The following ATRN variants were observed in gnomAD, a reference collection of about 807,000 sequenced individuals.
ATRN encodes the protein attractin-2.
Under a neutral mutation model 178.7 loss-of-function variants are expected in ATRN, and 54 were observed. The ratio of observed to expected loss-of-function variants is 0.30; its 90% confidence interval spans 0.24 to 0.38. ATRN has a LOEUF of 0.38. ATRN is among the 10% of genes least tolerant of loss of function. The pLI, the probability that ATRN is intolerant of heterozygous loss-of-function variation, is 1.00. For missense variants in ATRN, 1,443 were observed against 1,815.1 expected, an observed-to-expected ratio of 0.79 and a Z score of 3.73; for synonymous variants, 636 against 663.0, an observed-to-expected ratio of 0.96 and a Z score of 0.63.
chr20:3,553,357 C>T (rs1475143534), intron 6 of ATRN, among the ~76,000 whole-genome samples: 1 of 152,098 alleles, frequency 6.6e-6, no homozygotes, highest in Non-Finnish European at 1.5e-5. Flanking sequence ...ATATTAAGCC[C>T]TCTCAACTCT....
chr20:3,601,152 A>G, intron 23 of ATRN, 128 bp downstream of exon 23: 1 of 708,274 alleles, frequency 1.4e-6, no homozygotes, highest in Non-Finnish European at 2.4e-6. Context: ...CTTACTAGCT[A>G]TGAGACCTTG....
intron 17 of ATRN, 144 bp downstream of exon 17, chr20:3,584,227 A>G (rs1315071199): frequency 2.4e-6 from 2 of 845,902 alleles, no homozygotes; most frequent in Admixed American, 2.5e-5. Context: ...AGAGACTGCC[A>G]TCGAGACCTT....
intron 11 of ATRN, among the ~76,000 whole-genome samples, chr20:3,565,897 A>G (rs2086029391): frequency 1.3e-5 from 2 of 151,274 alleles, no homozygotes; most frequent in South Asian, 2.1e-4. Flanking sequence ...TTACAGGATT[A>G]TGTGGGTATA....
At chr20:3,496,778 A>T (rs992103002) in intron 1 of ATRN, among the ~76,000 whole-genome samples, 6 of 151,924 alleles carry the variant, frequency 3.9e-5, no homozygotes, top group Non-Finnish European at 7.4e-5. Flanking sequence ...GTCTCCCATT[A>T]TTAATGTGTG....
chr20:3,562,262 TCTTTC>T lies in ATRN; in HGVS notation c.1448-7_1448-3del. 6.2e-7 allele frequency: 1 copy of T among 1,605,334 alleles called. No homozygotes were observed. The highest frequency in any genetic ancestry group is 1.1e-5 in the South Asian group (1 of 89,832). Reference sequence around the variant, plus strand: ...AGCCTGCCATGCTTGCCTTTAACTGTCTTTCCTTTCCAGATAAGAACACATGGAGT... The same window carrying T: ...AGCCTGCCATGCTTGCCTTTAACTGTCTTTCCAGATAAGAACACATGGAGT... On this transcript the variant is annotated splice_polypyrimidine_tract_variant and intron_variant, in intron 8 of 28. Transcript: ENST00000262919.
chr20:3,631,586 G>A (rs2086990170), intron 25 of ATRN, among the ~76,000 whole-genome samples: 1 of 152,166 alleles, frequency 6.6e-6, no homozygotes, highest in Non-Finnish European at 1.5e-5. Context: ...AGCTGGAGCA[G>A]CAAGTAGAAG....
intron 18 of ATRN, among the ~76,000 whole-genome samples, chr20:3,588,371 T>C (rs2086388086): frequency 6.6e-6 from 1 of 152,204 alleles, no homozygotes; most frequent in Admixed American, 6.5e-5. Flanking sequence ...TCTATTCTAG[T>C]TTTTTGAGGG....
At chr20:3,572,606 C>A (rs773524540) in intron 11 of ATRN, 125 bp from the exon 12 acceptor site, 1 of 773,378 alleles carries the variant, frequency 1.3e-6, no homozygotes, top group Non-Finnish European at 2.0e-6. Context: ...CTCTTGAGCC[C>A]AGGAGTTTGA....
At chr20:3,512,226 T>A (rs1038194580) in intron 1 of ATRN, among the ~76,000 whole-genome samples, 3 of 150,748 alleles carry the variant, frequency 2.0e-5, no homozygotes, top group Non-Finnish European at 4.4e-5. Flanking sequence ...CATTTAACAT[T>A]AGGTATATCT....
rs375560346 is a variant in ATRN, at chr20:3,547,331, T to A, written c.785T>A (p.Ile262Asn). ...TGCTCAGGCCGAGGAGAGTGTAAGA[T>A]CAGTAATAGCAGCGATACTGTTGAA... Reference protein sequence around the residue: ...NNCSGRGECKISNSSDTVECE... With the variant: ...NNCSGRGECKNSNSSDTVECE... Residue 262 changes from isoleucine to asparagine, a missense_variant, in exon 5 of 29, where the codon ATC (isoleucine) becomes AAC (asparagine). By Grantham distance (149) the Ile-to-Asn change is moderately radical. This residue lies in a region of ATRN where 862 missense variants were observed against 972.1 expected (regional missense o/e 0.89). Transcript: ENST00000262919. 69 of 1,614,006 alleles carry A rather than the reference T, an allele frequency of 4.3e-5. No homozygotes were observed. Among genetic ancestry groups the A allele is most frequent in the Non-Finnish European group, 5.5e-5 (65 of 1,180,000 alleles).
At chr20:3,485,923 A>G (rs548558721) in intron 1 of ATRN, among the ~76,000 whole-genome samples, 1 of 151,946 alleles carries the variant, frequency 6.6e-6, no homozygotes, top group South Asian at 2.1e-4. Flanking sequence ...CCCAGCCTGA[A>G]TTTTTGAACT....
rs1332216289 is a variant in ATRN, at chr20:3,545,364, CA to C, written c.609-381del. Among the ~76,000 whole-genome samples the C allele has an allele frequency of 3.0e-3, 258 of 86,312 alleles. 1 individual carries two copies. In the East Asian group the frequency reaches 0.05, roughly 17 times the overall value. The allele number at this position is 86,312 out of a possible 152,430, so 56.6% of individuals were successfully genotyped here. A position where few individuals can be genotyped will look rare whatever the true frequency, so the allele number is the denominator to read the frequency against. ...GGGCAACAAGAGCGAAACTCTGTCT[CA>C]AAAAAAAAAAAAAAAACAACAAAAA... On this transcript the variant is annotated intron_variant, in intron 3 of 28. Transcript: ENST00000262919.
intron 24 of ATRN, among the ~76,000 whole-genome samples, chr20:3,606,381 C>T (rs1391416715): frequency 6.6e-6 from 1 of 152,150 alleles, no homozygotes; most frequent in Non-Finnish European, 1.5e-5. Flanking sequence ...AATCCTCTTC[C>T]TCTTCCTTAA....
At chr20:3,478,175 T>G (rs2084556409) in intron 1 of ATRN, among the ~76,000 whole-genome samples, 2 of 152,218 alleles carry the variant, frequency 1.3e-5, no homozygotes, top group South Asian at 4.1e-4. Flanking sequence ...ACTTTTACTG[T>G]TTTCTTACAC....
intron 14 of ATRN, among the ~76,000 whole-genome samples, 155 bp from the exon 15 acceptor site, chr20:3,578,427 T>A (rs965229358): frequency 6.6e-6 from 1 of 152,226 alleles, no homozygotes; most frequent in African/African-American, 2.4e-5. Flanking sequence ...CTGCATTTGG[T>A]CCTTAATAAT....
At chr20:3,490,388 C>G (rs577939785) in intron 1 of ATRN, 1 of 985,876 alleles carries the variant, frequency 1.0e-6, no homozygotes, top group East Asian at 2.4e-5. Context: ...TGAATCTTCC[C>G]AAAAAGTTCA....
At chr20:3,488,244 G>A (rs1223072327) in intron 1 of ATRN, among the ~76,000 whole-genome samples, 1 of 151,184 alleles carries the variant, frequency 6.6e-6, no homozygotes, top group African/African-American at 2.4e-5. Flanking sequence ...TTCCCTTTTT[G>A]TGTCTTGTTG....
At chr20:3,591,997 C>T (rs962358855) in intron 19 of ATRN, among the ~76,000 whole-genome samples, 1 of 152,218 alleles carries the variant, frequency 6.6e-6, no homozygotes, top group Non-Finnish European at 1.5e-5. Context: ...CATGCTCTGC[C>T]AGGTAAAGCC....
intron 1 of ATRN, among the ~76,000 whole-genome samples, chr20:3,478,042 G>A (rs998224638): frequency 1.3e-5 from 2 of 152,020 alleles, no homozygotes; most frequent in African/African-American, 2.4e-5. Flanking sequence ...AGTAATCTTT[G>A]GCTCTTTCTA....
Sources: allele counts gnomAD v4.1 joint callset (sites outside exome capture counted in the v4.1 genomes callset), GRCh38; gene constraint gnomAD v4.1.1; regional missense constraint gnomAD v4.1.1; transcripts MANE v1.5; gene names NCBI Gene and HGNC (gene_info 2026-07-23, HGNC 2026-07-21).